SMYD3: variants seen among roughly 807,000 people sequenced by gnomAD.
SMYD3 encodes the protein SET and MYND domain containing 3, also known as histone-lysine N-methyltransferase SMYD3.
In SMYD3, 36 loss-of-function variants were observed where a neutral mutation model predicts 57.7. That is an observed-to-expected ratio of 0.62 (90% CI 0.48 to 0.82). The LOEUF is 0.82. SMYD3 is among the 40% of genes least tolerant of loss of function. SMYD3 has a pLI of 0.00. For missense variants in SMYD3, 515 were observed against 538.8 expected (o/e 0.96, Z 0.44); for synonymous variants, 211 against 195.0 (o/e 1.08, Z -0.68).
At position 246,393,644 on chromosome 1, in the gene SMYD3, G is replaced by C. The variant is rs531230314; in HGVS notation, c.165-38550C>G. On this transcript the variant is annotated intron_variant, in intron 1 of 11. Transcript: ENST00000490107. ...GTTTGAACCCAGGAGTTTGGGACCA[G>C]CCTGAGCAACATAGCGTGACCCCCA... Among the ~76,000 whole-genome samples the C allele has an allele frequency of 6.8e-5, 9 of 132,896 alleles. 1 individual carries two copies. The highest frequency in any genetic ancestry group is 2.6e-4 in the African/African-American group (9 of 34,728). 87.2% of individuals were successfully genotyped at this position (132,896 alleles called of 152,430 possible). A position where few individuals can be genotyped will look rare whatever the true frequency, so the allele number is the denominator to read the frequency against.
At chr1:245,860,617 A>G (rs895714988) in intron 9 of SMYD3, among the ~76,000 whole-genome samples, 10 of 152,218 alleles carry the variant, frequency 6.6e-5, no homozygotes, top group African/African-American at 2.2e-4. Flanking sequence ...GTCTTGGAGG[A>G]ATTGACCCTG....
intron 11 of SMYD3, among the ~76,000 whole-genome samples, chr1:245,756,799 C>CTTTTTTTT (rs34298332): frequency 7.1e-6 from 1 of 141,820 alleles, no homozygotes; most frequent in African/African-American, 2.6e-5. Context: ...GCTTTTAGGA[C>CTTTTTTTT]TTTTTTTTTT....
rs1002410518 is a variant in SMYD3 at position 246,246,620 on chromosome 1, A to G, written c.531+80581T>C. Among the ~76,000 whole-genome samples, 5 of 152,158 alleles carry G rather than the reference A, an allele frequency of 3.3e-5. No individual in the cohort carries two copies. In the East Asian group the frequency reaches 9.6e-4, roughly 29 times the overall value. ...TCATAAATAAATTACATCAAATGCA[A>G]TAAGAATACCACCTACTGGACACTT... On this transcript the variant is annotated intron_variant, in intron 5 of 11. Transcript: ENST00000490107.
intron 8 of SMYD3, among the ~76,000 whole-genome samples, chr1:245,868,316 G>A (rs904700498): frequency 4.6e-5 from 7 of 152,168 alleles, no homozygotes; most frequent in African/African-American, 1.7e-4. Flanking sequence ...GTACCTTCAT[G>A]CTTCAATTTG....
intron 1 of SMYD3, among the ~76,000 whole-genome samples, chr1:246,430,899 G>A (rs2067287307): frequency 6.6e-6 from 1 of 152,082 alleles, no homozygotes. Context: ...ACAAGAGGAA[G>A]GAAAACCAGG....
intron 5 of SMYD3, among the ~76,000 whole-genome samples, chr1:246,283,128 A>AC (rs770337515): frequency 1.3e-5 from 2 of 152,106 alleles, no homozygotes; most frequent in African/African-American, 2.4e-5. Flanking sequence ...GGAGCATGTA[A>AC]CCCCCCATAG....
intron 1 of SMYD3, among the ~76,000 whole-genome samples, chr1:246,414,246 T>C (rs1440083997): frequency 6.6e-6 from 1 of 152,156 alleles, no homozygotes; most frequent in Non-Finnish European, 1.5e-5. Context: ...TATTTACAAA[T>C]AAAGCCAGCA....
Position 246,217,667 on chromosome 1 carries a change from G to A in SMYD3, c.531+109534C>T, listed in dbSNP as rs1367634161. Among the ~76,000 whole-genome samples, 4 of 152,032 alleles carry A rather than the reference G, an allele frequency of 2.6e-5. No homozygotes were observed. In the East Asian group the frequency reaches 5.8e-4, roughly 22 times the overall value. On this transcript the variant is annotated intron_variant, in intron 5 of 11. Transcript: ENST00000490107. ...GTAAATATGTTTAAGATGTTTAAAG[G>A]AATAAGAGATTGAAAATATGAGGAA...
At chr1:246,079,655 A>G (rs910691219) in intron 5 of SMYD3, among the ~76,000 whole-genome samples, 12 of 152,222 alleles carry the variant, frequency 7.9e-5, no homozygotes, top group African/African-American at 2.9e-4. Context: ...AGTGCTCAAT[A>G]AACAAGAGCT....
At chr1:246,365,493 T>TA (rs10542908) in intron 1 of SMYD3, among the ~76,000 whole-genome samples, 12 of 90,466 alleles carry the variant, frequency 1.3e-4, no homozygotes, top group Non-Finnish European at 1.5e-4. Context: ...AGACCCTGTC[T>TA]AAAAAAAAAA....
chr1:245,848,493 C>T (rs373563934), intron 10 of SMYD3, among the ~76,000 whole-genome samples: 2 of 152,096 alleles, frequency 1.3e-5, no homozygotes, highest in Non-Finnish European at 2.9e-5. Flanking sequence ...CCTGCAGCCT[C>T]GAACTCCTGG....
At chr1:245,985,341 CATCA>C (rs1424863299) in intron 5 of SMYD3, among the ~76,000 whole-genome samples, 1 of 152,162 alleles carries the variant, frequency 6.6e-6, no homozygotes, top group Non-Finnish European at 1.5e-5. Flanking sequence ...ATAGAATGAT[CATCA>C]ATTAGACAAT....
intron 5 of SMYD3, among the ~76,000 whole-genome samples, chr1:246,273,575 CTTTTTTTT>C (rs75025399): frequency 1.2e-5 from 1 of 84,394 alleles, no homozygotes; most frequent in East Asian, 4.5e-4. Context: ...TTTCACTAAT[CTTTTTTTT>C]TTTTTTTTTT....
chr1:246,433,772 A>C (rs1246662725), intron 1 of SMYD3, among the ~76,000 whole-genome samples: 2 of 152,230 alleles, frequency 1.3e-5, no homozygotes, highest in Admixed American at 1.3e-4. Context: ...AGAAAAAATT[A>C]TTCTAAAATA....
At chr1:246,060,566 G>A (rs993179549) in intron 5 of SMYD3, among the ~76,000 whole-genome samples, 3 of 151,320 alleles carry the variant, frequency 2.0e-5, no homozygotes, top group Non-Finnish European at 4.4e-5. Flanking sequence ...GCAATAAACT[G>A]TTATTCATTT....
chr1:245,967,613 T>C (rs1310263917), intron 5 of SMYD3, among the ~76,000 whole-genome samples: 1 of 152,178 alleles, frequency 6.6e-6, no homozygotes, highest in African/African-American at 2.4e-5. Flanking sequence ...GTGAAATGTG[T>C]TGAGTCAATG....
chr1:245,870,911 A>C (rs1312575097), intron 8 of SMYD3, among the ~76,000 whole-genome samples: 2 of 152,162 alleles, frequency 1.3e-5, no homozygotes, highest in Non-Finnish European at 2.9e-5. Context: ...CAAGCGTTTG[A>C]TGTTGAAACT....
At chr1:245,820,855 T>C (rs2049118783) in intron 10 of SMYD3, among the ~76,000 whole-genome samples, 1 of 151,346 alleles carries the variant, frequency 6.6e-6, no homozygotes, top group South Asian at 2.1e-4. Flanking sequence ...GAAGGATCTC[T>C]TCAAGGAGAA....
chr1:246,238,251 G>A lies in SMYD3; in HGVS notation c.531+88950C>T, dbSNP rs528134160. On this transcript the variant is annotated intron_variant, in intron 5 of 11. Coordinates refer to ENST00000490107, the MANE Select transcript of SMYD3 (RefSeq NM_001167740.2). Reference sequence around the variant, plus strand: ...TCATTGTGTTACCCAGGCTGCACTCGAACTCCTGAGCTCAAGCAATCTGCC... The same window carrying A: ...TCATTGTGTTACCCAGGCTGCACTCAAACTCCTGAGCTCAAGCAATCTGCC... 4.6e-5 allele frequency among the ~76,000 whole-genome samples: 7 copies of A among 152,138 alleles called. No individual in the cohort carries two copies. In the South Asian group the frequency reaches 8.3e-4, roughly 18 times the overall value.
Sources: allele counts gnomAD v4.1 joint callset (sites outside exome capture counted in the v4.1 genomes callset), GRCh38; gene constraint gnomAD v4.1.1; transcripts MANE v1.5; gene names NCBI Gene and HGNC (gene_info 2026-07-23, HGNC 2026-07-21).